The following DPF3 variants were observed in gnomAD, a reference collection of about 807,000 sequenced individuals.
DPF3 encodes the protein zinc finger protein DPF3.
Under a neutral mutation model 56.8 loss-of-function variants are expected in DPF3, and 18 were observed. That is an observed-to-expected ratio of 0.32 (90% CI 0.22 to 0.47). DPF3 has a LOEUF of 0.47. DPF3 is among the 20% of genes least tolerant of loss of function. DPF3 has a pLI of 1.00. For synonymous variants in DPF3, 188 were observed against 180.2 expected, an observed-to-expected ratio of 1.04 and a Z score of -0.35; for missense variants, 403 against 488.8, an observed-to-expected ratio of 0.82 and a Z score of 1.65.
intron 1 of DPF3, among the ~76,000 whole-genome samples, chr14:72,786,325 C>T (rs1194968749): frequency 2.6e-5 from 4 of 152,086 alleles, no homozygotes; most frequent in African/African-American, 7.2e-5. Flanking sequence ...CGGGACATAC[C>T]GAGGCAGAGC....
In DPF3 at chr14:72,708,822, C is replaced by T. The variant is rs147509016; in HGVS notation, c.604+5601G>A. 7.5e-4 allele frequency among the ~76,000 whole-genome samples: 115 copies of T among 152,354 alleles called. 1 individual carries two copies. The highest frequency in any genetic ancestry group is 2.6e-3 in the African/African-American group (110 of 41,582). The stretch of plus-strand genomic sequence containing the variant: ...CCCCAATCCACTGCTCCCTTCATGT[C>T]CTCCAGACATCTTGCCTCCCTAGTA... On this transcript the variant is annotated intron_variant, in intron 6 of 10. Transcript: ENST00000556509.
Position 72,674,316 on chromosome 14 carries a change from G to A in DPF3, c.795C>T (p.Cys265=), listed in dbSNP as rs1886819143. The A allele has an allele frequency of 1.2e-6, 2 of 1,612,704 alleles. No homozygotes were observed. The highest frequency in any genetic ancestry group is 8.5e-7 in the Non-Finnish European group (1 of 1,179,506). The stretch of plus-strand genomic sequence containing the variant: ...TCTTGTTCATGTTGGAGCCCCCCAA[G>A]CAGAAGTCACAGTAGTTATTGGGAA... ...TVIPNNYCDF[C]LGGSNMNKKS... is the part of the protein sequence containing the mutation. Residue 265 remains cysteine, a synonymous_variant, in exon 8 of 11, where the codon TGC becomes TGT. Transcript: ENST00000556509.
At chr14:72,715,215 T>C (rs1280638864) in intron 5 of DPF3, among the ~76,000 whole-genome samples, 1 of 152,190 alleles carries the variant, frequency 6.6e-6, no homozygotes, top group Non-Finnish European at 1.5e-5. Context: ...TGGGCTGGAC[T>C]TCTGATACCA....
chr14:72,720,033 G>C (rs1889100626), intron 5 of DPF3, among the ~76,000 whole-genome samples: 1 of 151,756 alleles, frequency 6.6e-6, no homozygotes, highest in Non-Finnish European at 1.5e-5. Context: ...ATCTAGTGTG[G>C]AGTCTGGGCT....
At chr14:72,825,137 C>T (rs1471370639) in intron 1 of DPF3, among the ~76,000 whole-genome samples, 1 of 152,156 alleles carries the variant, frequency 6.6e-6, no homozygotes, top group Non-Finnish European at 1.5e-5. Flanking sequence ...ATCCACCTGT[C>T]TCAGCCTCCC....
intron 1 of DPF3, among the ~76,000 whole-genome samples, chr14:72,872,451 C>T (rs1353794052): frequency 6.6e-6 from 1 of 152,210 alleles, no homozygotes; most frequent in Non-Finnish European, 1.5e-5. Context: ...TTATGCTCTG[C>T]TTCCCTTATA....
intron 6 of DPF3, among the ~76,000 whole-genome samples, chr14:72,706,066 A>C (rs555455575): frequency 6.6e-6 from 1 of 152,226 alleles, no homozygotes; most frequent in Non-Finnish European, 1.5e-5. Flanking sequence ...TGTAGGATAG[A>C]GATGACCAAA....
intron 1 of DPF3, among the ~76,000 whole-genome samples, chr14:72,866,318 C>A (rs1264961791): frequency 7.2e-6 from 1 of 138,114 alleles, no homozygotes; most frequent in Non-Finnish European, 1.7e-5. Flanking sequence ...CGTGCCAAAC[C>A]TTAAGTAACT....
intron 3 of DPF3, among the ~76,000 whole-genome samples, chr14:72,751,334 A>T (rs1266933069): frequency 6.6e-6 from 1 of 152,236 alleles, no homozygotes; most frequent in Non-Finnish European, 1.5e-5. Flanking sequence ...GGTGACATGT[A>T]GCCTAGCTAC....
intron 1 of DPF3, among the ~76,000 whole-genome samples, chr14:72,803,311 C>A (rs1474418024): frequency 6.6e-6 from 1 of 152,126 alleles, no homozygotes; most frequent in African/African-American, 2.4e-5. Context: ...CATTCAGACG[C>A]CAATGGTTCT....
At chr14:72,637,487 T>C (rs758279943) in intron 8 of DPF3, among the ~76,000 whole-genome samples, 7 of 152,214 alleles carry the variant, frequency 4.6e-5, no homozygotes, top group Non-Finnish European at 7.3e-5. Context: ...TTGTTGAATA[T>C]ATAAATATGG....
chr14:72,752,817 TG>T, intron 3 of DPF3, among the ~76,000 whole-genome samples: 1 of 152,284 alleles, frequency 6.6e-6, no homozygotes, highest in Non-Finnish European at 1.5e-5. Context: ...GGCCCCTTTT[TG>T]TGTAAGATGC....
chr14:72,626,395 T>G (rs1472980549), intron 9 of DPF3, among the ~76,000 whole-genome samples: 2 of 152,170 alleles, frequency 1.3e-5, no homozygotes. Flanking sequence ...CATGTAGGTT[T>G]TCTTATGTCT....
intron 1 of DPF3, among the ~76,000 whole-genome samples, chr14:72,867,267 G>A (rs1426405988): frequency 6.6e-6 from 1 of 152,120 alleles, no homozygotes; most frequent in East Asian, 1.9e-4. Flanking sequence ...ATGAGTAAGG[G>A]AGATGAGTTG....
At chr14:72,763,603 A>G (rs1329858352) in intron 2 of DPF3, among the ~76,000 whole-genome samples, 1 of 152,126 alleles carries the variant, frequency 6.6e-6, no homozygotes, top group Non-Finnish European at 1.5e-5. Context: ...TGAATCATAG[A>G]CCTAAATGTG....
intron 9 of DPF3, among the ~76,000 whole-genome samples, 195 bp from the exon 10 acceptor site, chr14:72,620,179 C>G (rs1166538441): frequency 6.6e-6 from 1 of 152,120 alleles, no homozygotes; most frequent in Non-Finnish European, 1.5e-5. Context: ...CCTCTACCTC[C>G]CAGCCTATAT....
intron 1 of DPF3, among the ~76,000 whole-genome samples, chr14:72,815,533 T>G (rs766986522): frequency 3.9e-5 from 6 of 152,242 alleles, no homozygotes; most frequent in Non-Finnish European, 8.8e-5. Context: ...ATAGGAATAT[T>G]CATAGCAGCT....
intron 2 of DPF3, among the ~76,000 whole-genome samples, chr14:72,762,012 T>C (rs550791903): frequency 6.6e-6 from 1 of 151,902 alleles, no homozygotes; most frequent in South Asian, 2.1e-4. Context: ...ATAGATAACC[T>C]AAATAGCCCT....
At chr14:72,826,177 C>G (rs547960449) in intron 1 of DPF3, among the ~76,000 whole-genome samples, 18 of 152,048 alleles carry the variant, frequency 1.2e-4, no homozygotes, top group Non-Finnish European at 2.4e-4. Flanking sequence ...GATAATAAAC[C>G]AAGAAGAAAT....
Sources: gnomAD v4.1 joint callset for allele counts (sites outside exome capture counted in the v4.1 genomes callset) on GRCh38, gnomAD v4.1.1 for gene constraint, MANE v1.5 for transcripts, NCBI Gene and HGNC (gene_info 2026-07-23, HGNC 2026-07-21) for gene names.